RICTOR: variants seen among roughly 807,000 people sequenced by gnomAD.
The protein encoded by RICTOR is rapamycin-insensitive companion of mTOR.
In RICTOR, 49 loss-of-function variants were observed where a neutral mutation model predicts 214.9. The ratio of observed to expected loss-of-function variants is 0.23; its 90% CI spans 0.18 to 0.29. The LOEUF (loss-of-function observed/expected upper bound fraction) is 0.29. Ranked by LOEUF, RICTOR falls within the 10% of genes least tolerant of loss-of-function variation. RICTOR has a pLI of 1.00. For missense variants in RICTOR, 1,625 were observed against 2,047.0 expected (o/e 0.79, Z 3.98); for synonymous variants, 717 against 711.3 (o/e 1.01, Z -0.13).
At chr5:38,984,982 G>GT (rs1304527453) in intron 7 of RICTOR, among the ~76,000 whole-genome samples, 1 of 151,970 alleles carries the variant, frequency 6.6e-6, no homozygotes, top group African/African-American at 2.4e-5. Context: ...TTTTTTGTTT[G>GT]TTTTTTAGTA....
intron 3 of RICTOR, among the ~76,000 whole-genome samples, chr5:39,012,862 G>A (rs1299505811): frequency 6.6e-6 from 1 of 152,014 alleles, no homozygotes; most frequent in Non-Finnish European, 1.5e-5. Flanking sequence ...CAGTCACAAC[G>A]CCTAGCTAAA....
Position 38,966,667 on chromosome 5 carries a change from T to C in RICTOR, c.1273A>G (p.Ile425Val). 1.3e-5 allele frequency: 21 copies of C among 1,588,970 alleles called. No homozygotes were observed. Among genetic ancestry groups the C allele is most frequent in the Non-Finnish European group, 1.7e-5 (20 of 1,159,688 alleles). ...SDDHISVRATILLGELLHMAN... is the reference protein window; with the variant it reads ...SDDHISVRATVLLGELLHMAN... ...ATATGTAAAAGCTCTCCTAAAAGGA[T>C]GGTAGCTCTAACTGAGATATGATCA... Residue 425 changes from isoleucine to valine, a missense_variant, in exon 15 of 38, where the codon ATC becomes GTC. Ile to Val is a conservative substitution (Grantham distance 29, BLOSUM62 3). Around this residue, in one of 5 missense-constraint regions of RICTOR, gnomAD observed 1,214 missense variants for 1,470.5 expected, o/e 0.83. Transcript: ENST00000357387.
intron 3 of RICTOR, among the ~76,000 whole-genome samples, chr5:39,014,115 T>C (rs1272034487): frequency 1.3e-5 from 2 of 152,128 alleles, no homozygotes; most frequent in African/African-American, 4.8e-5. Flanking sequence ...AGCCTGGATA[T>C]GTAGTACACT....
chr5:39,044,297 T>A (rs1757345962), intron 2 of RICTOR, among the ~76,000 whole-genome samples: 1 of 152,156 alleles, frequency 6.6e-6, no homozygotes, highest in African/African-American at 2.4e-5. Context: ...GAAAAAAAAT[T>A]TTGTTATTTT....
chr5:38,940,931 A>C lies in RICTOR; in HGVS notation c.*1373T>G, dbSNP rs1004221224. ...GATGTGTAATTGTAATAAAAATGTT[A>C]TACACAAATGAATTAAAAAAGAATC... On this transcript the variant is annotated 3_prime_UTR_variant, in exon 38 of 38. Transcript: ENST00000357387. 10 of 232,482 alleles carry C rather than the reference A, an allele frequency of 4.3e-5. No individual in the cohort carries two copies. The highest frequency in any genetic ancestry group is 7.7e-5 in the Non-Finnish European group (9 of 117,568). 14.4% of individuals were successfully genotyped at this position (232,482 alleles called of 1,614,324 possible).
intron 2 of RICTOR, among the ~76,000 whole-genome samples, chr5:39,073,555 A>G (rs565833568): frequency 2.3e-3 from 345 of 152,332 alleles, no homozygotes; most frequent in African/African-American, 8.0e-3. Flanking sequence ...GACATTTAGC[A>G]GTAATGACCA....
chr5:38,946,462 C>T lies in RICTOR; in HGVS notation c.4399+6G>A, dbSNP rs777619641. 6.4e-7 allele frequency: 1 copy of T among 1,574,676 alleles called. No homozygotes were observed. The highest frequency in any genetic ancestry group is 1.1e-5 in the South Asian group (1 of 90,264). On this transcript the variant is annotated splice_donor_region_variant and intron_variant, in intron 33 of 37. Transcript: ENST00000357387. ...CATCTCACAAGTACAATGCACAATG[C>T]ATTACCTCCTGCATCATGGGCAAAT...
At position 38,940,531 on chromosome 5, in the gene RICTOR, T is replaced by C. The variant is rs1477637500; in HGVS notation, c.*1773A>G. 4.3e-6 allele frequency: 1 copy of C among 232,784 alleles called. No individual in the cohort carries two copies. The highest frequency in any genetic ancestry group is 8.5e-6 in the Non-Finnish European group (1 of 117,542). The allele number at this position is 232,784 out of a possible 1,614,324, so 14.4% of individuals were successfully genotyped here. On this transcript the variant is annotated 3_prime_UTR_variant, in exon 38 of 38. Transcript: ENST00000357387. ...GTACTGTTGACATTTAAATAAACAC[T>C]TGGGTTCAGTGATAAAGTATAAAAA...
chr5:38,978,808 A>AT (rs552849654), intron 8 of RICTOR, among the ~76,000 whole-genome samples, 158 bp from the exon 9 acceptor site: 5 of 151,692 alleles, frequency 3.3e-5, no homozygotes, highest in Admixed American at 6.6e-5. Context: ...ATGTTTGGTG[A>AT]TTTTTTTTAA....
At chr5:39,004,449 T>C (rs1287111836) in intron 3 of RICTOR, among the ~76,000 whole-genome samples, 1 of 148,894 alleles carries the variant, frequency 6.7e-6, no homozygotes, top group South Asian at 2.1e-4. Flanking sequence ...AGTCATGTCA[T>C]TTATTTCTCA....
intron 2 of RICTOR, among the ~76,000 whole-genome samples, chr5:39,026,039 C>G (rs1185937605): frequency 6.6e-6 from 1 of 152,154 alleles, no homozygotes; most frequent in African/African-American, 2.4e-5. Context: ...TTACCTGTCT[C>G]TATTTCTTCC....
At chr5:39,028,948 A>C (rs1467513077) in intron 2 of RICTOR, among the ~76,000 whole-genome samples, 2 of 152,176 alleles carry the variant, frequency 1.3e-5, no homozygotes, top group African/African-American at 4.8e-5. Context: ...TTATACATAC[A>C]ACATAGATGA....
At chr5:39,038,742 A>G (rs1339860283) in intron 2 of RICTOR, among the ~76,000 whole-genome samples, 1 of 151,802 alleles carries the variant, frequency 6.6e-6, no homozygotes. Flanking sequence ...TAAAATACCT[A>G]GAAATCCAAC....
chr5:38,956,241 C>T (rs1749255217), intron 25 of RICTOR, among the ~76,000 whole-genome samples: 1 of 152,052 alleles, frequency 6.6e-6, no homozygotes, highest in African/African-American at 2.4e-5. Flanking sequence ...ACTTTACCTT[C>T]AATGATCAAA....
At chr5:38,966,808 T>TG (rs1345156478) in intron 14 of RICTOR, 87 bp from the exon 15 acceptor site, 7 of 760,978 alleles carry the variant, frequency 9.2e-6, no homozygotes, top group Admixed American at 5.7e-5. Context: ...AAAATTTTTT[T>TG]TTTTTTTTTA....
In RICTOR at chr5:38,949,816, G is replaced by C. The variant is rs368214059; in HGVS notation, c.4032C>G (p.Ser1344=). Residue 1344 remains serine, a synonymous_variant, in exon 31 of 38, where the codon TCC becomes TCG. Coordinates refer to ENST00000357387, the MANE Select transcript of RICTOR (RefSeq NM_152756.5). The part of the protein sequence containing the change: ...KRLQQQRMHP[S]LSHSEALASP... ...ATGCCAAAGCTTCAGAGTGAGATAA[G>C]GATGGATGCATTCTTTGTTGCTGTA... The C allele has an allele frequency of 1.2e-6, 2 of 1,613,490 alleles. No individual in the cohort carries two copies. Among genetic ancestry groups the C allele is most frequent in the Admixed American group, 3.3e-5 (2 of 59,954 alleles).
intron 25 of RICTOR, 89 bp from the exon 26 acceptor site, chr5:38,955,793 G>T (rs1749210647): frequency 2.6e-6 from 2 of 756,040 alleles, no homozygotes; most frequent in Non-Finnish European, 4.7e-6. Context: ...AGGGTAGACA[G>T]ATCAAGGTAT....
At chr5:39,013,845 C>T (rs1315786007) in intron 3 of RICTOR, among the ~76,000 whole-genome samples, 1 of 152,100 alleles carries the variant, frequency 6.6e-6, no homozygotes, top group Non-Finnish European at 1.5e-5. Flanking sequence ...TACACACATA[C>T]ACATTTATAT....
At chr5:39,024,393 A>G (rs977685009) in intron 2 of RICTOR, among the ~76,000 whole-genome samples, 5 of 152,212 alleles carry the variant, frequency 3.3e-5, no homozygotes, top group African/African-American at 9.6e-5. Context: ...ACAAGGGGCC[A>G]TGAATAGGTC....
Sources: gnomAD v4.1 joint callset for allele counts (sites outside exome capture counted in the v4.1 genomes callset) on GRCh38, gnomAD v4.1.1 for gene constraint, gnomAD v4.1.1 regional missense constraint, MANE v1.5 for transcripts, NCBI Gene and HGNC (gene_info 2026-07-23, HGNC 2026-07-21) for gene names.